Variants in HS3ST4 observed in about 807,000 individuals in gnomAD.
The protein encoded by HS3ST4 is heparan sulfate glucosamine 3-O-sulfotransferase 4.
A neutral mutation model predicts 29.2 loss-of-function variants in HS3ST4; 17 were observed. That is an observed-to-expected ratio of 0.58 (90% confidence interval 0.40 to 0.87). The LOEUF (loss-of-function observed/expected upper bound fraction) is 0.87, where lower values mean the gene tolerates loss of function less well. HS3ST4 is among the 40% of genes least tolerant of loss of function. The pLI is 0.00. For missense variants in HS3ST4, 627 were observed against 634.5 expected (o/e 0.99, Z 0.13); for synonymous variants, 314 against 285.7 (o/e 1.10, Z -1.00).
intron 1 of HS3ST4, among the ~76,000 whole-genome samples, chr16:25,899,225 C>T (rs1174261385): frequency 6.6e-6 from 1 of 152,188 alleles, no homozygotes; most frequent in Non-Finnish European, 1.5e-5. Context: ...TTCCTCAAAC[C>T]CCAAAGCACA....
At chr16:25,874,439 C>G (rs1023884018) in intron 1 of HS3ST4, among the ~76,000 whole-genome samples, 2 of 152,114 alleles carry the variant, frequency 1.3e-5, no homozygotes, top group African/African-American at 4.8e-5. Context: ...ATTCCACTGA[C>G]AAATTACCAT....
chr16:25,932,930 TC>T (rs1190969139), intron 1 of HS3ST4, among the ~76,000 whole-genome samples: 1 of 152,206 alleles, frequency 6.6e-6, no homozygotes, highest in African/African-American at 2.4e-5. Context: ...AGAGCGGATC[TC>T]AGACACAGTA....
chr16:25,889,286 T>C (rs546504534), intron 1 of HS3ST4, among the ~76,000 whole-genome samples: 7 of 152,316 alleles, frequency 4.6e-5, no homozygotes, highest in African/African-American at 1.4e-4. Context: ...GACTCTGAGC[T>C]CATCGTTTGC....
intron 1 of HS3ST4, among the ~76,000 whole-genome samples, chr16:25,837,234 G>A (rs895708014): frequency 5.3e-5 from 8 of 152,190 alleles, no homozygotes; most frequent in Non-Finnish European, 7.3e-5. Flanking sequence ...GCTCATTCAC[G>A]TTCAGAGGAA....
chr16:25,857,695 T>A (rs1304512821), intron 1 of HS3ST4, among the ~76,000 whole-genome samples: 6 of 152,166 alleles, frequency 3.9e-5, no homozygotes, highest in South Asian at 2.1e-4. Flanking sequence ...ATCATTTTTT[T>A]AATTTACGCC....
chr16:25,921,022 G>A (rs751407333), intron 1 of HS3ST4, among the ~76,000 whole-genome samples: 25 of 152,144 alleles, frequency 1.6e-4, no homozygotes, highest in Non-Finnish European at 2.4e-4. Flanking sequence ...TCTGGGACAC[G>A]TAGCACTATT....
intron 1 of HS3ST4, among the ~76,000 whole-genome samples, chr16:25,722,248 C>T (rs1476314893): frequency 1.3e-5 from 2 of 152,206 alleles, no homozygotes; most frequent in South Asian, 2.1e-4. Flanking sequence ...TTAAAACCTG[C>T]AGGGCTCTAC....
At chr16:25,949,063 A>T (rs200858179) in intron 1 of HS3ST4, among the ~76,000 whole-genome samples, 43 of 134,428 alleles carry the variant, frequency 3.2e-4, no homozygotes, top group Admixed American at 6.8e-4. Flanking sequence ...TTTTTTTTTT[A>T]AAGTATTTTT....
At chr16:26,085,691 C>T (rs757024335) in intron 1 of HS3ST4, among the ~76,000 whole-genome samples, 2 of 151,972 alleles carry the variant, frequency 1.3e-5, no homozygotes, top group South Asian at 2.1e-4. Context: ...GGCAACATAG[C>T]GAGACCCTGT....
In HS3ST4 at chr16:25,914,520, G is replaced by A. The variant is rs114183494; in HGVS notation, c.735-221092G>A. On this transcript the variant is annotated intron_variant, in intron 1 of 1. Transcript: ENST00000331351. ...GTGTGGGGGGAGGCAGGGGAGGTGC[G>A]GTGTGCATGTATATGTGTGTATGTG... Among the ~76,000 whole-genome samples, 1,059 of 150,770 alleles carry A rather than the reference G, an allele frequency of 7.0e-3. 19 individuals carry two copies. Among genetic ancestry groups the A allele is most frequent in the African/African-American group, 0.025 (1,025 of 40,966 alleles).
At chr16:26,058,054 C>T (rs1012566832) in intron 1 of HS3ST4, among the ~76,000 whole-genome samples, 7 of 152,160 alleles carry the variant, frequency 4.6e-5, no homozygotes, top group African/African-American at 1.4e-4. Flanking sequence ...ATGGAGGAGT[C>T]AGATTGAATG....
At chr16:25,980,295 C>T (rs1158540733) in intron 1 of HS3ST4, among the ~76,000 whole-genome samples, 1 of 152,232 alleles carries the variant, frequency 6.6e-6, no homozygotes, top group Non-Finnish European at 1.5e-5. Flanking sequence ...TCCTGGGACA[C>T]ACCTGTTCCC....
At chr16:25,899,595 G>A (rs536320110) in intron 1 of HS3ST4, among the ~76,000 whole-genome samples, 27 of 151,862 alleles carry the variant, frequency 1.8e-4, no homozygotes, top group Admixed American at 9.8e-4. Flanking sequence ...AACCTCTGCC[G>A]TACGTGTTCA....
At chr16:25,758,252 G>A (rs976198592) in intron 1 of HS3ST4, among the ~76,000 whole-genome samples, 6 of 152,176 alleles carry the variant, frequency 3.9e-5, no homozygotes, top group Non-Finnish European at 8.8e-5. Flanking sequence ...ATTCCCATTC[G>A]ATACTAGTAT....
intron 1 of HS3ST4, among the ~76,000 whole-genome samples, chr16:25,880,005 C>T (rs1269301555): frequency 6.6e-6 from 1 of 152,114 alleles, no homozygotes; most frequent in African/African-American, 2.4e-5. Context: ...ATTATCTCCA[C>T]CTGGCCCCAC....
chr16:25,794,435 C>T (rs552194666), intron 1 of HS3ST4, among the ~76,000 whole-genome samples: 10 of 151,774 alleles, frequency 6.6e-5, no homozygotes, highest in Non-Finnish European at 8.8e-5. Context: ...TGAATTCTCT[C>T]GGGTTTTATC....
chr16:25,746,112 A>G (rs1966683667), intron 1 of HS3ST4, among the ~76,000 whole-genome samples: 2 of 152,144 alleles, frequency 1.3e-5, no homozygotes, highest in South Asian at 2.1e-4. Flanking sequence ...ACCTCACCCT[A>G]AGTCTTCTCA....
chr16:26,105,235 TA>T (rs1278033390), intron 1 of HS3ST4, among the ~76,000 whole-genome samples: 2 of 152,122 alleles, frequency 1.3e-5, no homozygotes, highest in African/African-American at 4.8e-5. Flanking sequence ...CTAAGCAAAC[TA>T]AGGCAGAAAC....
At chr16:25,868,376 C>G (rs1355311975) in intron 1 of HS3ST4, among the ~76,000 whole-genome samples, 1 of 152,148 alleles carries the variant, frequency 6.6e-6, no homozygotes, top group Non-Finnish European at 1.5e-5. Context: ...CAACCTGCTT[C>G]TCTCTCTTCC....
Sources: allele counts gnomAD v4.1 joint callset (sites outside exome capture counted in the v4.1 genomes callset), GRCh38; gene constraint gnomAD v4.1.1; transcripts MANE v1.5; gene names NCBI Gene and HGNC (gene_info 2026-07-23, HGNC 2026-07-21).